ZNF292: variants seen among roughly 807,000 people sequenced by gnomAD.
ZNF292 encodes 16 zinc-finger domain protein.
Under a neutral mutation model 217.9 loss-of-function variants are expected in ZNF292, and 26 were observed. The ratio of observed to expected loss-of-function variants is 0.12; its 90% confidence interval spans 0.09 to 0.17. The LOEUF (loss-of-function observed/expected upper bound fraction) is 0.17. Among genes scored for constraint, ZNF292 ranks in the 10% least tolerant of loss-of-function variants. The pLI is 1.00. For missense variants in ZNF292, 2,904 were observed against 3,175.2 expected (o/e 0.91, Z 2.05); for synonymous variants, 1,257 against 1,124.1 (o/e 1.12, Z -2.37).
chr6:87,188,126 T>TA lies in ZNF292; in HGVS notation c.169-27776dup, dbSNP rs565500557. On this transcript the variant is annotated intron_variant, in intron 1 of 7. Transcript: ENST00000369577. ...AAAACATGCCTGGGGAATTTATTCT[T>TA]AGATATTTTGAGCATTCTCTAGTTT... is the stretch of plus-strand genomic sequence containing the variant. 4.1e-4 allele frequency among the ~76,000 whole-genome samples: 62 copies of TA among 152,346 alleles called. 1 individual carries two copies. The highest frequency in any genetic ancestry group is 1.4e-3 in the African/African-American group (58 of 41,578).
intron 4 of ZNF292, among the ~76,000 whole-genome samples, chr6:87,225,243 G>A (rs1489561812): frequency 6.6e-6 from 1 of 152,066 alleles, no homozygotes; most frequent in African/African-American, 2.4e-5. Flanking sequence ...ACAGTTCTTT[G>A]TATATTTTGG....
chr6:87,194,286 T>G (rs2127784870), intron 1 of ZNF292, among the ~76,000 whole-genome samples: 1 of 152,256 alleles, frequency 6.6e-6, no homozygotes, highest in East Asian at 1.9e-4. Context: ...AGTTCACTCT[T>G]AGACATAAAA....
intron 5 of ZNF292, among the ~76,000 whole-genome samples, chr6:87,240,284 T>A (rs1231156357): frequency 7.0e-6 from 1 of 142,338 alleles, no homozygotes; most frequent in Non-Finnish European, 1.5e-5. Flanking sequence ...GAGGTTGCAG[T>A]GAGCAGAGAT....
intron 1 of ZNF292, among the ~76,000 whole-genome samples, chr6:87,201,607 T>G (rs1201283629): frequency 6.6e-6 from 1 of 152,110 alleles, no homozygotes; most frequent in Non-Finnish European, 1.5e-5. Flanking sequence ...TTTCTCCATG[T>G]TGGTCAGGCT....
At chr6:87,235,874 C>G (rs958300754) in intron 5 of ZNF292, among the ~76,000 whole-genome samples, 5 of 152,230 alleles carry the variant, frequency 3.3e-5, no homozygotes, top group Admixed American at 2.0e-4. Flanking sequence ...CAGAACAGGA[C>G]AGATAGATGT....
intron 7 of ZNF292, among the ~76,000 whole-genome samples, chr6:87,253,211 A>G (rs1159748238): frequency 7.8e-6 from 1 of 127,990 alleles, no homozygotes; most frequent in Non-Finnish European, 1.6e-5. Context: ...ATGAGCCACC[A>G]TGCCCAGCCT....
chr6:87,254,347 CTG>C (rs760525503), intron 7 of ZNF292, among the ~76,000 whole-genome samples: 24 of 152,302 alleles, frequency 1.6e-4, no homozygotes, highest in Non-Finnish European at 2.6e-4. Context: ...GTTTTGACCT[CTG>C]TTTTATAAGT....
In ZNF292 at chr6:87,261,655, G is replaced by A. The variant is rs556062202; in HGVS notation, c.8026G>A (p.Asp2676Asn). Residue 2676 changes from aspartate to asparagine, a missense_variant, in exon 8 of 8, where the codon GAT becomes AAT. Around this residue, in one of 15 missense-constraint regions of ZNF292, gnomAD observed 380 missense variants for 355.3 expected, o/e 1.07. Transcript: ENST00000369577. ...VKIVLDKNLK[D>N]CTELVLKQLQ... The stretch of plus-strand genomic sequence containing the variant: ...AATTGTTTTAGACAAGAATCTTAAA[G>A]ATTGCACTGAGCTTGTCTTAAAGCA... The A allele has an allele frequency of 2.0e-4, 322 of 1,612,386 alleles. 5 individuals carry two copies. In the South Asian group the frequency reaches 3.4e-3, roughly 17 times the overall value.
chr6:87,222,076 C>T (rs1333553859), intron 4 of ZNF292, among the ~76,000 whole-genome samples: 1 of 151,902 alleles, frequency 6.6e-6, no homozygotes, highest in African/African-American at 2.4e-5. Flanking sequence ...CCTTTTTCTT[C>T]CTGTGTAATT....
chr6:87,177,251 T>G (rs9362404), intron 1 of ZNF292, among the ~76,000 whole-genome samples: 17,636 of 150,580 alleles, frequency 0.12, 1,164 homozygotes, highest in African/African-American at 0.18. Context: ...CACTTGAACC[T>G]GGGAGGCGGA....
In ZNF292 at chr6:87,258,990, T is replaced by C; in HGVS notation, c.5361T>C (p.Ala1787=). The stretch of plus-strand genomic sequence containing the variant: ...GTGCTGGTGAAACTTCACAAAATGC[T>C]CAAATAAATTATAACATTCAGCTTC... The part of the protein sequence containing the change: ...SQGAGETSQN[A]QINYNIQLPS... The change falls in exon 8 of 8, where the codon GCT becomes GCC. Residue 1787 remains alanine, a synonymous_variant. Coordinates refer to ENST00000369577, the MANE Select transcript of ZNF292 (RefSeq NM_015021.3). 2 of 1,613,530 alleles carry C rather than the reference T, an allele frequency of 1.2e-6. No homozygotes were observed. The highest frequency in any genetic ancestry group is 1.7e-5 in the Admixed American group (1 of 59,896).
At chr6:87,204,554 A>ATGTTTTTTTTTTTT (rs1772186962) in intron 1 of ZNF292, among the ~76,000 whole-genome samples, 1 of 63,640 alleles carries the variant, frequency 1.6e-5, no homozygotes, top group African/African-American at 7.0e-5. Flanking sequence ...AACATTTAGG[A>ATGTTTTTTTTTTTT]TTTTTTTTTT....
chr6:87,262,754 G>A lies in ZNF292; in HGVS notation c.*953G>A, dbSNP rs1247526834. On this transcript the variant is annotated 3_prime_UTR_variant, in exon 8 of 8. Transcript: ENST00000369577. ...ATTTCATTTCTTGTTTTATACATGT[G>A]ATCTTATAAAGATTTTTTGTTTTGT... The A allele has an allele frequency of 1.3e-5, 2 of 151,846 alleles. No homozygotes were observed. Among genetic ancestry groups the A allele is most frequent in the African/African-American group, 4.8e-5 (2 of 41,370 alleles). 9.4% of individuals were successfully genotyped at this position (151,846 alleles called of 1,614,324 possible).
Position 87,236,329 on chromosome 6 carries a change from C to CT in ZNF292, c.741+2803dup, listed in dbSNP as rs1447498416. On this transcript the variant is annotated intron_variant, in intron 5 of 7. Coordinates refer to ENST00000369577, the MANE Select transcript of ZNF292 (RefSeq NM_015021.3). ...TTGTCCAAGTGAGGCAAGGGATTGA[C>CT]TGTTTCCCAGGACCCTTTCGGTGTG... Among the ~76,000 whole-genome samples the CT allele has an allele frequency of 2.0e-5, 3 of 151,660 alleles. No homozygotes were observed. In the East Asian group the frequency reaches 5.8e-4, roughly 29 times the overall value.
rs140316172 is a variant in ZNF292, at chr6:87,193,421, T to A, written c.169-22482T>A. ...TAGCCAGGCAGTGGCACACCTGTAG[T>A]TCCAGCTACTTGGGAGGCTGAGGTG... is the stretch of plus-strand genomic sequence containing the variant. On this transcript the variant is annotated intron_variant, in intron 1 of 7. Transcript: ENST00000369577. Among the ~76,000 whole-genome samples the A allele has an allele frequency of 9.4e-3, 1,435 of 152,116 alleles. 19 individuals are homozygous for A. Among genetic ancestry groups the A allele is most frequent in the African/African-American group, 0.033 (1,352 of 41,488 alleles).
Position 87,257,829 on chromosome 6 carries a change from T to C in ZNF292, c.4200T>C (p.Cys1400=). 6.2e-7 allele frequency: 1 copy of C among 1,613,846 alleles called. No homozygotes were observed. The highest frequency in any genetic ancestry group is 1.7e-5 in the Admixed American group (1 of 59,992). ...LGGHLSKRSY[C]KPLDGAEIAQ... The stretch of plus-strand genomic sequence containing the variant: ...GGCACTTATCCAAGCGATCTTACTG[T>C]AAACCACTGGATGGAGCCGAAATTG... Residue 1400 remains cysteine (C), a synonymous_variant, in exon 8 of 8, where the codon TGT becomes TGC. Coordinates refer to ENST00000369577, the MANE Select transcript of ZNF292 (RefSeq NM_015021.3).
intron 5 of ZNF292, among the ~76,000 whole-genome samples, chr6:87,238,605 T>C (rs144195051): frequency 6.7e-6 from 1 of 148,484 alleles, no homozygotes; most frequent in East Asian, 2.0e-4. Flanking sequence ...CCTTAGGTTT[T>C]ATTTTTTTGG....
chr6:87,180,014 A>G (rs947320931), intron 1 of ZNF292, among the ~76,000 whole-genome samples: 2 of 152,166 alleles, frequency 1.3e-5, no homozygotes, highest in African/African-American at 2.4e-5. Flanking sequence ...TTACCTCTTC[A>G]TTACTTGATC....
intron 1 of ZNF292, among the ~76,000 whole-genome samples, chr6:87,165,880 C>T (rs553188687): frequency 6.8e-4 from 103 of 151,212 alleles, no homozygotes; most frequent in African/African-American, 2.4e-3. Flanking sequence ...GCCTCAGCTT[C>T]CCGAGTAGCT....
Sources: gnomAD v4.1 joint callset for allele counts (sites outside exome capture counted in the v4.1 genomes callset) on GRCh38, gnomAD v4.1.1 for gene constraint, gnomAD v4.1.1 regional missense constraint, MANE v1.5 for transcripts, NCBI Gene and HGNC (gene_info 2026-07-23, HGNC 2026-07-21) for gene names.